The following CNTN4 variants were observed in gnomAD, a reference collection of about 807,000 sequenced individuals.
CNTN4 encodes the protein contactin 4, also known as contactin-4.
In CNTN4, 77 loss-of-function variants were observed where a neutral mutation model predicts 122.5. The ratio of observed to expected loss-of-function variants is 0.63; its 90% CI spans 0.52 to 0.76. The LOEUF is 0.76. Among genes scored for constraint, CNTN4 ranks in the 30% least tolerant of loss-of-function variants. The probability of loss-of-function intolerance (pLI) is 0.00; values close to 1 mark genes in which losing one functional copy is unlikely to be tolerated. For missense variants in CNTN4, 1,256 were observed against 1,259.1 expected, an observed-to-expected ratio of 1.00 and a Z score of 0.04; for synonymous variants, 512 against 447.0, an observed-to-expected ratio of 1.15 and a Z score of -1.83.
intron 2 of CNTN4, among the ~76,000 whole-genome samples, chr3:2,123,934 T>C (rs1482083042): frequency 6.6e-6 from 1 of 152,188 alleles, no homozygotes; most frequent in African/African-American, 2.4e-5. Flanking sequence ...GATTAGGCCC[T>C]GGTGAATTTT....
intron 4 of CNTN4, among the ~76,000 whole-genome samples, chr3:2,634,034 A>G (rs192322300): frequency 1.3e-5 from 2 of 152,322 alleles, no homozygotes; most frequent in Non-Finnish European, 2.9e-5. Flanking sequence ...GTTGGGAAAC[A>G]ATTTAAATTG....
At chr3:2,799,661 G>T (rs538535530) in intron 6 of CNTN4, among the ~76,000 whole-genome samples, 1 of 151,988 alleles carries the variant, frequency 6.6e-6, no homozygotes, top group Non-Finnish European at 1.5e-5. Flanking sequence ...ACGGAATTTC[G>T]CCACGTTTGC....
At chr3:2,885,326 A>G (rs529738863) in intron 9 of CNTN4, among the ~76,000 whole-genome samples, 4 of 152,304 alleles carry the variant, frequency 2.6e-5, no homozygotes, top group South Asian at 2.1e-4. Flanking sequence ...TGGCAGTAGG[A>G]TGATAGATGC....
chr3:3,009,806 G>C (rs73116671), intron 14 of CNTN4, among the ~76,000 whole-genome samples: 82 of 152,282 alleles, frequency 5.4e-4, no homozygotes, highest in African/African-American at 2.0e-3. Context: ...ACTCACAGTT[G>C]TTGGCCCATA....
At chr3:2,420,468 C>T (rs2047573750) in intron 3 of CNTN4, among the ~76,000 whole-genome samples, 1 of 151,832 alleles carries the variant, frequency 6.6e-6, no homozygotes, top group Non-Finnish European at 1.5e-5. Flanking sequence ...CAGAGTCTCA[C>T]TCTGTCCCCC....
At chr3:2,178,485 T>C (rs1048021628) in intron 2 of CNTN4, among the ~76,000 whole-genome samples, 1 of 152,070 alleles carries the variant, frequency 6.6e-6, no homozygotes, top group Non-Finnish European at 1.5e-5. Flanking sequence ...ACCAATGAAT[T>C]CTCAGATATT....
chr3:2,950,864 C>T (rs2094733812), intron 13 of CNTN4, among the ~76,000 whole-genome samples: 1 of 152,202 alleles, frequency 6.6e-6, no homozygotes. Context: ...GTGTCCTATA[C>T]TAGACCTTAC....
Position 2,709,933 on chromosome 3 carries a change from A to T in CNTN4, c.56-26282A>T, listed in dbSNP as rs1321948534. ...AAATACAAAAAAAAAATAAGAATAA[A>T]CTCCAAAGAGCATGTTTCCACACTT... On this transcript the variant is annotated intron_variant, in intron 4 of 24. Transcript: ENST00000418658. The surrounding 1 kb of genome is among the most constrained non-coding windows in gnomAD (Gnocchi z 5.0). Among the ~76,000 whole-genome samples, 1 of 151,882 alleles carries T rather than the reference A, an allele frequency of 6.6e-6. No individual in the cohort carries two copies. Among genetic ancestry groups the T allele is most frequent in the Non-Finnish European group, 1.5e-5 (1 of 67,974 alleles).
chr3:2,707,327 A>AC (rs1164792549), intron 4 of CNTN4, among the ~76,000 whole-genome samples: 16 of 151,830 alleles, frequency 1.1e-4, no homozygotes, highest in African/African-American at 3.6e-4. Flanking sequence ...CCCAAAAAAA[A>AC]CAGAAAACTT....
rs73115733 is a variant in CNTN4, at chr3:2,302,286, G to A, written c.-144-36892G>A. Among the ~76,000 whole-genome samples, 264 of 152,214 alleles carry A rather than the reference G, an allele frequency of 1.7e-3. 1 individual carries two copies. The highest frequency in any genetic ancestry group is 5.8e-3 in the African/African-American group (241 of 41,526). Reference sequence around the variant, plus strand: ...TCCACTAAAAATACAAAACTTAGCCGGCATGGTGGTGCACACCTGTAATCT... The same window carrying A: ...TCCACTAAAAATACAAAACTTAGCCAGCATGGTGGTGCACACCTGTAATCT... On this transcript the variant is annotated intron_variant, in intron 2 of 24. Transcript: ENST00000418658.
At chr3:2,322,171 A>G (rs143133990) in intron 2 of CNTN4, among the ~76,000 whole-genome samples, 11 of 152,292 alleles carry the variant, frequency 7.2e-5, no homozygotes, top group African/African-American at 2.4e-4. Flanking sequence ...GTAAGGTTGT[A>G]TTTTTAAACG....
At chr3:2,295,838 T>G (rs544328090) in intron 2 of CNTN4, among the ~76,000 whole-genome samples, 3 of 152,216 alleles carry the variant, frequency 2.0e-5, no homozygotes, top group African/African-American at 7.2e-5. Flanking sequence ...TTAATCCATC[T>G]TGAATTAATT....
intron 3 of CNTN4, among the ~76,000 whole-genome samples, chr3:2,560,435 C>T (rs1004781915): frequency 6.6e-6 from 1 of 152,176 alleles, no homozygotes; most frequent in African/African-American, 2.4e-5. Flanking sequence ...AGCCACCATG[C>T]CTGGCCCACT....
intron 7 of CNTN4, among the ~76,000 whole-genome samples, chr3:2,832,772 G>A (rs1422872150): frequency 6.6e-6 from 1 of 152,186 alleles, no homozygotes; most frequent in Non-Finnish European, 1.5e-5. Context: ...AACAGAAAAT[G>A]TTATCAAATT....
chr3:2,480,090 G>T (rs1015972031), intron 3 of CNTN4, among the ~76,000 whole-genome samples: 3 of 151,950 alleles, frequency 2.0e-5, no homozygotes, highest in Non-Finnish European at 4.4e-5. Context: ...AGAACTCTCT[G>T]CAAACTAAGA....
At chr3:2,534,254 C>T (rs910126233) in intron 3 of CNTN4, among the ~76,000 whole-genome samples, 1 of 152,122 alleles carries the variant, frequency 6.6e-6, no homozygotes, top group African/African-American at 2.4e-5. Context: ...ACATGTAAGT[C>T]TTCAATCCAT....
At position 2,766,048 on chromosome 3, in the gene CNTN4, G is replaced by C. The variant is rs574449365; in HGVS notation, c.358+20351G>C. Among the ~76,000 whole-genome samples the C allele has an allele frequency of 7.3e-4, 111 of 152,214 alleles. 1 individual carries two copies. Among genetic ancestry groups the C allele is most frequent in the Admixed American group, 4.9e-3 (75 of 15,290 alleles). ...CCTACTTTATGATGGCCCTTGAGAA[G>C]GCATCCCTCATCACCACTCTTTCCA... On this transcript the variant is annotated intron_variant, in intron 6 of 24. Transcript: ENST00000418658.
At chr3:2,194,551 T>G (rs2037746775) in intron 2 of CNTN4, among the ~76,000 whole-genome samples, 1 of 152,194 alleles carries the variant, frequency 6.6e-6, no homozygotes, top group African/African-American at 2.4e-5. Flanking sequence ...CCAAAAAAGA[T>G]ATTTTGAAAT....
intron 4 of CNTN4, among the ~76,000 whole-genome samples, chr3:2,624,375 A>T (rs1290911256): frequency 1.3e-5 from 2 of 152,024 alleles, no homozygotes; most frequent in African/African-American, 4.8e-5. Context: ...GAGAGAGAAA[A>T]ATTTCTACTT....
Sources: gnomAD v4.1 joint callset for allele counts (sites outside exome capture counted in the v4.1 genomes callset) on GRCh38, gnomAD v4.1.1 for gene constraint, Gnocchi (gnomAD v3.1) non-coding constraint, MANE v1.5 for transcripts, NCBI Gene and HGNC (gene_info 2026-07-23, HGNC 2026-07-21) for gene names.